Variants in RBM20 observed in about 807,000 individuals in gnomAD.
The protein encoded by RBM20 is RNA binding motif protein 20, also known as RNA-binding protein 20.
In RBM20, 51 loss-of-function variants were observed where a neutral mutation model predicts 110.1. The ratio of observed to expected loss-of-function variants is 0.46; its 90% confidence interval spans 0.37 to 0.59. RBM20 has a LOEUF of 0.59. Ranked by LOEUF, RBM20 falls within the 20% of genes least tolerant of loss-of-function variation. The pLI is 0.00. For synonymous variants in RBM20, 589 were observed against 618.2 expected, an observed-to-expected ratio of 0.95 and a Z score of 0.70; for missense variants, 1,512 against 1,574.9, an observed-to-expected ratio of 0.96 and a Z score of 0.68.
intron 1 of RBM20, among the ~76,000 whole-genome samples, chr10:110,725,276 C>T (rs570714324): frequency 1.3e-5 from 2 of 152,262 alleles, no homozygotes; most frequent in East Asian, 1.9e-4. Flanking sequence ...CTGGAGCGTG[C>T]GCTTATATGA....
At chr10:110,800,450 C>A (rs12253653) in intron 7 of RBM20, among the ~76,000 whole-genome samples, 2,079 of 152,310 alleles carry the variant, frequency 0.014, 44 homozygotes, top group African/African-American at 0.045. Context: ...TTTAGCTGAT[C>A]TACGTTTCTT....
chr10:110,778,766 A>T (rs1844299658), intron 1 of RBM20, among the ~76,000 whole-genome samples: 1 of 152,226 alleles, frequency 6.6e-6, no homozygotes, highest in Non-Finnish European at 1.5e-5. Context: ...TTAACCAAAG[A>T]TTCCCTCCCT....
Position 110,685,113 on chromosome 10 carries a change from C to T in RBM20, c.191+40468C>T, listed in dbSNP as rs60196111. 5.0e-3 allele frequency among the ~76,000 whole-genome samples: 768 copies of T among 152,332 alleles called. 5 individuals carry two copies. The highest frequency in any genetic ancestry group is 0.018 in the African/African-American group (731 of 41,572). On this transcript the variant is annotated intron_variant, in intron 1 of 13. Transcript: ENST00000369519. ...GTTGGCCGTAGGGGCCTTTGCTGTC[C>T]TTCCTGGGGTTTGTGGTCGCTGCCG... is the stretch of plus-strand genomic sequence containing the variant.
intron 1 of RBM20, among the ~76,000 whole-genome samples, chr10:110,777,021 T>A (rs1169776429): frequency 6.6e-6 from 1 of 152,162 alleles, no homozygotes; most frequent in Non-Finnish European, 1.5e-5. Flanking sequence ...ATAAAAGAGG[T>A]GTCCATATTG....
chr10:110,725,905 G>C (rs927063029), intron 1 of RBM20, among the ~76,000 whole-genome samples: 1 of 152,232 alleles, frequency 6.6e-6, no homozygotes, highest in Non-Finnish European at 1.5e-5. Context: ...TGCTGGGGGT[G>C]GAATCTGCTG....
intron 11 of RBM20, among the ~76,000 whole-genome samples, chr10:110,822,846 C>G (rs1170348978): frequency 6.6e-6 from 1 of 152,086 alleles, no homozygotes; most frequent in Non-Finnish European, 1.5e-5. Flanking sequence ...ATCTGAGTTT[C>G]CATGGAAACC....
chr10:110,747,644 GTTTGAGGTACTTGGC>G lies in RBM20; in HGVS notation c.192-33155_192-33141del, dbSNP rs1843798358. Among the ~76,000 whole-genome samples the G allele has an allele frequency of 2.6e-5, 4 of 152,200 alleles. No homozygotes were observed. The South Asian group carries it at 8.3e-4, about 31-fold the overall frequency. Reference sequence around the variant, plus strand: ...GTGAATAAGAAAACTAACACCCAGGGTTTGAGGTACTTGGCTGGGACCAAAAGTAAGTGATGCATC... The same window carrying G: ...GTGAATAAGAAAACTAACACCCAGGGTGGGACCAAAAGTAAGTGATGCATC... On this transcript the variant is annotated intron_variant, in intron 1 of 13. Coordinates refer to ENST00000369519, the MANE Select transcript of RBM20 (RefSeq NM_001134363.3).
intron 5 of RBM20, among the ~76,000 whole-genome samples, 189 bp downstream of exon 5, chr10:110,785,078 C>T (rs1278350103): frequency 6.6e-6 from 1 of 152,124 alleles, no homozygotes; most frequent in Non-Finnish European, 1.5e-5. Context: ...TTACAGGTGG[C>T]CAAAGTGCTA....
At chr10:110,730,335 C>G (rs1352229623) in intron 1 of RBM20, among the ~76,000 whole-genome samples, 1 of 152,230 alleles carries the variant, frequency 6.6e-6, no homozygotes, top group African/African-American at 2.4e-5. Flanking sequence ...TAAGAACATG[C>G]AAATTGAATG....
In RBM20 at chr10:110,821,593, C is replaced by G; in HGVS notation, c.2974C>G (p.Pro992Ala). 1 of 1,551,226 alleles carries G rather than the reference C, an allele frequency of 6.4e-7. No individual in the cohort carries two copies. Among genetic ancestry groups the G allele is most frequent in the South Asian group, 1.2e-5 (1 of 84,064 alleles). Reference protein sequence around the residue: ...RELPSASTSCPSDMDVEMPGL... With the variant: ...RELPSASTSCASDMDVEMPGL... ...ACTGCCCTCTGCTTCCACAAGCTGT[C>G]CCAGTGACATGGACGTGGAAATGCC... The change falls in exon 11 of 14, where the codon CCC becomes GCC. Residue 992 changes from proline (P) to alanine (A), a missense_variant. Pro to Ala is a conservative substitution (Grantham distance 27). This residue lies in a region of RBM20 where 358 missense variants were observed against 384.2 expected (regional missense o/e 0.93). Transcript: ENST00000369519.
intron 12 of RBM20, among the ~76,000 whole-genome samples, chr10:110,827,192 G>C (rs10885053): frequency 0.49 from 74,955 of 151,868 alleles, 18,965 homozygotes; most frequent in East Asian, 0.73. Flanking sequence ...GGGCAACATA[G>C]GGAGACCCTG....
In RBM20 at chr10:110,831,256, C is replaced by T; in HGVS notation, c.3573+74C>T. 4 of 1,495,920 alleles carry T rather than the reference C, an allele frequency of 2.7e-6. No homozygotes were observed. The South Asian group carries it at 5.0e-5, about 19-fold the overall frequency. The allele number at this position is 1,495,920 out of a possible 1,614,324, so 92.7% of individuals were successfully genotyped here. ...CATAACCGAGCCAGGTGTCTGGCGT[C>T]CTTGGCCTTGCTTGCCTCTGAGTCT... On this transcript the variant is annotated intron_variant, in intron 13 of 13. Transcript: ENST00000369519.
intron 1 of RBM20, among the ~76,000 whole-genome samples, chr10:110,681,252 A>T (rs1862419935): frequency 6.6e-6 from 1 of 152,206 alleles, no homozygotes; most frequent in African/African-American, 2.4e-5. Context: ...TCTCCTCGCA[A>T]TAGGGTCTGC....
At chr10:110,726,935 C>T (rs1343610392) in intron 1 of RBM20, among the ~76,000 whole-genome samples, 1 of 152,164 alleles carries the variant, frequency 6.6e-6, no homozygotes, top group Non-Finnish European at 1.5e-5. Context: ...CAACCTCCGG[C>T]TCATGGGTTC....
At chr10:110,793,408 G>C (rs1030785235) in intron 5 of RBM20, among the ~76,000 whole-genome samples, 1 of 152,186 alleles carries the variant, frequency 6.6e-6, no homozygotes, top group Admixed American at 6.5e-5. Context: ...ATCAAAGACA[G>C]AGACACACCA....
At chr10:110,752,556 AAC>A (rs1843866766) in intron 1 of RBM20, among the ~76,000 whole-genome samples, 1 of 152,234 alleles carries the variant, frequency 6.6e-6, no homozygotes, top group Non-Finnish European at 1.5e-5. Context: ...TGATCTGCTA[AAC>A]ACTGAACTAA....
At position 110,836,863 on chromosome 10, in the gene RBM20, C is replaced by G. The variant is rs1168957363; in HGVS notation, c.*885C>G. On this transcript the variant is annotated 3_prime_UTR_variant, in exon 14 of 14. Coordinates refer to ENST00000369519, the MANE Select transcript of RBM20 (RefSeq NM_001134363.3). ...AAGCATCTTCCTCCAGCTAAAGCAG[C>G]AGTTGGCGCGGGCTTAGGTTGAATG... 1 of 152,206 alleles carries G rather than the reference C, an allele frequency of 6.6e-6. No individual in the cohort carries two copies. The highest frequency in any genetic ancestry group is 2.4e-5 in the African/African-American group (1 of 41,438). The allele number at this position is 152,206 out of a possible 1,614,324, so 9.4% of individuals were successfully genotyped here.
chr10:110,781,351 C>T lies in RBM20; in HGVS notation c.742C>T (p.Pro248Ser). ...ATATGGCCCTGAAACAGATGGTCAG[C>T]CTGGCTTCCTGCCATCCTCGGCCTC... ...QTYGPETDGQ[P>S]GFLPSSASTS... The change falls in exon 2 of 14, where the codon CCT (proline) becomes TCT (serine). Residue 248 changes from proline (P) to serine (S), a missense_variant. Around this residue, in one of 3 missense-constraint regions of RBM20, gnomAD observed 1,149 missense variants for 1,169.4 expected, o/e 0.98. Transcript: ENST00000369519. 6.4e-7 allele frequency: 1 copy of T among 1,551,720 alleles called. No individual in the cohort carries two copies. Among genetic ancestry groups the T allele is most frequent in the Non-Finnish European group, 8.7e-7 (1 of 1,147,000 alleles).
chr10:110,829,733 G>T (rs1459015875), intron 12 of RBM20, among the ~76,000 whole-genome samples: 2 of 152,218 alleles, frequency 1.3e-5, no homozygotes, highest in Non-Finnish European at 2.9e-5. Flanking sequence ...AACCAGCTGG[G>T]CTTGCAGTCG....
Sources: gnomAD v4.1 joint callset for allele counts (sites outside exome capture counted in the v4.1 genomes callset) on GRCh38, gnomAD v4.1.1 for gene constraint, gnomAD v4.1.1 regional missense constraint, MANE v1.5 for transcripts, NCBI Gene and HGNC (gene_info 2026-07-23, HGNC 2026-07-21) for gene names.